The following NEB variants were observed in gnomAD, a reference collection of about 807,000 sequenced individuals.
The protein encoded by NEB is nebulin, also known as nemaline myopathy type 2.
In NEB, 512 loss-of-function variants were observed where a neutral mutation model predicts 952.2. That is an observed-to-expected ratio of 0.54 (90% CI 0.50 to 0.58). The LOEUF (loss-of-function observed/expected upper bound fraction) is 0.58, where lower values mean the gene tolerates loss of function less well. NEB is among the 20% of genes least tolerant of loss of function. The pLI is 0.00. For missense variants in NEB, 8,428 were observed against 9,231.1 expected (o/e 0.91, Z 3.56); for synonymous variants, 2,900 against 3,149.8 (o/e 0.92, Z 2.66).
intron 18 of NEB, among the ~76,000 whole-genome samples, chr2:151,695,081 A>G (rs1362206745): frequency 6.6e-6 from 1 of 152,186 alleles, no homozygotes; most frequent in Non-Finnish European, 1.5e-5. Flanking sequence ...AACCCCAAGG[A>G]TAATTTAACT....
At chr2:151,679,666 AAGCC>A in intron 32 of NEB, 51 bp downstream of exon 32, 2 of 309,444 alleles carry the variant, frequency 6.5e-6, no homozygotes, top group Non-Finnish European at 6.5e-6. Flanking sequence ...GTCAGACCCC[AAGCC>A]CACCCACCCA....
chr2:151,628,006 C>T (rs1560637062), intron 68 of NEB, among the ~76,000 whole-genome samples, 172 bp from the exon 69 acceptor site: 1 of 152,154 alleles, frequency 6.6e-6, no homozygotes, highest in Non-Finnish European at 1.5e-5. Context: ...CAGCACTAAT[C>T]TAATGGGCAG....
At position 151,499,348 on chromosome 2, in the gene NEB, T is replaced by C. The variant is rs1245754241; in HGVS notation, c.24064A>G (p.Ile8022Val). ...TTGACTCTCTCCATCTCTGGAGTGA[T>C]GGGGATTGGAATCCCTTTTCCAACG... ...ENVGKGIPIP[I>V]TPEMERVKHN... Residue 8022 changes from isoleucine (I) to valine (V), a missense_variant, in exon 169 of 182, where the codon ATC becomes GTC. This residue lies in a region of NEB where 3,374 missense variants were observed against 3,651.5 expected (regional missense o/e 0.92). Coordinates refer to ENST00000397345, the MANE Select transcript of NEB (RefSeq NM_001164508.2). 1 of 1,547,074 alleles carries C rather than the reference T, an allele frequency of 6.5e-7. No individual in the cohort carries two copies. The highest frequency in any genetic ancestry group is 8.7e-7 in the Non-Finnish European group (1 of 1,144,136).
At chr2:151,551,649 T>TATAAA in intron 129 of NEB, 89 bp downstream of exon 129, 1 of 946,876 alleles carries the variant, frequency 1.1e-6, no homozygotes, top group East Asian at 2.5e-5. Context: ...TTATACAAGG[T>TATAAA]CAGGTCAAGA....
At position 151,621,257 on chromosome 2, in the gene NEB, T is replaced by C. The variant is rs538365180; in HGVS notation, c.10453-231A>G. 3.9e-5 allele frequency among the ~76,000 whole-genome samples: 6 copies of C among 152,342 alleles called. 1 individual carries two copies. The highest frequency in any genetic ancestry group is 1.4e-4 in the African/African-American group (6 of 41,586). ...ACAACCTCTCTTTGCACAAATCTTT[T>C]ACACGTTATACATTAAATGAACACC... is the stretch of plus-strand genomic sequence containing the variant. On this transcript the variant is annotated intron_variant, in intron 71 of 181. Transcript: ENST00000397345.
intron 136 of NEB, among the ~76,000 whole-genome samples, chr2:151,541,224 T>C (rs1443843966): frequency 2.6e-5 from 4 of 152,198 alleles, no homozygotes; most frequent in African/African-American, 9.6e-5. Flanking sequence ...ACAAGTTTTA[T>C]AACACTTAGG....
intron 110 of NEB, 122 bp from the exon 111 acceptor site, chr2:151,568,838 C>G (rs923165173): frequency 2.8e-6 from 2 of 713,548 alleles, no homozygotes; most frequent in Admixed American, 3.1e-5. Context: ...TGAATAGCGT[C>G]TTCTTGGGAA....
chr2:151,704,087 C>G (rs2099689660), intron 13 of NEB, among the ~76,000 whole-genome samples: 1 of 80,548 alleles, frequency 1.2e-5, no homozygotes, highest in Non-Finnish European at 2.4e-5. Context: ...CAGACAGGAC[C>G]CTCAGCTGCA....
chr2:151,709,757 A>G lies in NEB; in HGVS notation c.934T>C (p.Tyr312His), dbSNP rs1031048700. 4 of 1,593,142 alleles carry G rather than the reference A, an allele frequency of 2.5e-6. No individual in the cohort carries two copies. The highest frequency in any genetic ancestry group is 1.7e-6 in the Non-Finnish European group (2 of 1,167,674). The stretch of plus-strand genomic sequence containing the variant: ...TTCATGTTTTCAAAATCTTCCTGGT[A>G]TTTCCTCTGTAAGACATCAGACAAG... ...MNADNISTRK[Y>H]QEDFENMKDQ... Residue 312 changes from tyrosine to histidine, a missense_variant, in exon 12 of 182, where the codon TAC becomes CAC. Physicochemically the swap from Tyr to His is moderately conservative, Grantham distance 83. Transcript: ENST00000397345.
intron 71 of NEB, 27 bp downstream of exon 71, chr2:151,625,507 C>T: frequency 6.6e-7 from 1 of 1,506,702 alleles, no homozygotes; most frequent in Non-Finnish European, 9.1e-7. Context: ...TGTGGCCAGA[C>T]CAAAGAAATA....
At chr2:151,704,714 C>T (rs145999882) in intron 13 of NEB, among the ~76,000 whole-genome samples, 5 of 152,328 alleles carry the variant, frequency 3.3e-5, no homozygotes, top group East Asian at 3.9e-4. Flanking sequence ...CGCCCTGCTT[C>T]GGCTCACGCA....
chr2:151,653,913 T>C (rs1329555318), intron 52 of NEB, 79 bp downstream of exon 52: 1 of 853,086 alleles, frequency 1.2e-6, no homozygotes. Flanking sequence ...GTAAAGACTA[T>C]CCATAAAAAT....
Position 151,518,309 on chromosome 2 carries a change from T to C in NEB, c.22800+9A>G, listed in dbSNP as rs144303545. 474 of 1,576,812 alleles carry C rather than the reference T, an allele frequency of 3.0e-4. 2 individuals are homozygous for C. In the African/African-American group the frequency reaches 5.8e-3, roughly 19 times the overall value. ...GCGCCAGAGGAAAAATCGGTCTTGA[T>C]CCACTTACTATACTCTGTAATTCTG... On this transcript the variant is annotated intron_variant, in intron 156 of 181. Coordinates refer to ENST00000397345, the MANE Select transcript of NEB (RefSeq NM_001164508.2).
chr2:151,545,373 C>T (rs1040471060), intron 135 of NEB, among the ~76,000 whole-genome samples: 6 of 151,774 alleles, frequency 4.0e-5, no homozygotes, highest in East Asian at 1.9e-4. Flanking sequence ...GTTGGGAGTT[C>T]GAGACCAGCC....
chr2:151,716,170 C>T (rs2099758734), intron 10 of NEB: 1 of 428,576 alleles, frequency 2.3e-6, no homozygotes, highest in South Asian at 1.7e-5. Context: ...GACAGTTTCA[C>T]ACTTGTTGCC....
chr2:151,541,956 C>T (rs2094129808), intron 135 of NEB, among the ~76,000 whole-genome samples: 1 of 152,176 alleles, frequency 6.6e-6, no homozygotes. Flanking sequence ...TAGCCAATGG[C>T]CTTCATTCTT....
At chr2:151,574,722 T>TTTTATTTTATTTATTTATTTA (rs1491539186) in intron 107 of NEB, among the ~76,000 whole-genome samples, 4 of 147,698 alleles carry the variant, frequency 2.7e-5, no homozygotes, top group Admixed American at 2.7e-4. Context: ...ACAGTTTAAA[T>TTTTATTTTATTTATTTATTTA]TTTATTTATT....
intron 178 of NEB, 124 bp from the exon 179 acceptor site, chr2:151,491,899 G>C: frequency 1.0e-6 from 1 of 986,360 alleles, no homozygotes; most frequent in Non-Finnish European, 1.5e-6. Flanking sequence ...TAGGTTCTGG[G>C]TCATGTCTTT....
intron 167 of NEB, among the ~76,000 whole-genome samples, chr2:151,501,830 AAG>A (rs202003762): frequency 0.017 from 2,627 of 152,266 alleles, 29 homozygotes; most frequent in Middle Eastern, 0.027. Flanking sequence ...GAACCAAAGA[AAG>A]AGGAGAGAGA....
Sources: allele counts gnomAD v4.1 joint callset (sites outside exome capture counted in the v4.1 genomes callset), GRCh38; gene constraint gnomAD v4.1.1; regional missense constraint gnomAD v4.1.1; transcripts MANE v1.5; gene names NCBI Gene and HGNC (gene_info 2026-07-23, HGNC 2026-07-21).